The following RUVBL1 variants were observed in gnomAD, a reference collection of about 807,000 sequenced individuals.
RUVBL1 encodes the protein RuvB like AAA ATPase 1.
RUVBL1 carries 4 observed loss-of-function variants against 52.4 expected under a neutral mutation model. That is an observed-to-expected ratio of 0.08 (90% CI 0.04 to 0.17). The LOEUF is 0.17. Ranked by LOEUF, RUVBL1 falls within the 10% of genes least tolerant of loss-of-function variation. RUVBL1 has a pLI of 1.00. For synonymous variants in RUVBL1, 217 were observed against 214.4 expected (o/e 1.01, Z -0.10); for missense variants, 298 against 572.8 (o/e 0.52, Z 4.90).
At chr3:128,128,025 TAC>T (rs1943819748), upstream of RUVBL1, among the ~76,000 whole-genome samples, 1 of 151,920 alleles carries the variant, frequency 6.6e-6, no homozygotes. Context: ...CATACATACA[TAC>T]ATACATACAT....
intron 2 of RUVBL1, among the ~76,000 whole-genome samples, chr3:128,114,883 T>C (rs531669739): frequency 1.5e-4 from 23 of 152,182 alleles, no homozygotes; most frequent in Non-Finnish European, 1.5e-4. Flanking sequence ...CCAGCCCCAA[T>C]TCCCTACCCT....
upstream of RUVBL1, among the ~76,000 whole-genome samples, chr3:128,128,431 A>G (rs1015936390): frequency 2.6e-5 from 4 of 152,244 alleles, no homozygotes; most frequent in Non-Finnish European, 5.9e-5. Context: ...CTTTACAATC[A>G]GTAAGGGCCT....
intron 2 of RUVBL1, among the ~76,000 whole-genome samples, chr3:128,116,681 C>A (rs1464872679): frequency 6.6e-6 from 1 of 152,116 alleles, no homozygotes; most frequent in Non-Finnish European, 1.5e-5. Context: ...ATTTTCTTTT[C>A]ATTAAAACAA....
At chr3:128,150,786 A>G (rs1211670841) in intron 1 of RUVBL1, among the ~76,000 whole-genome samples, 4 of 82,902 alleles carry the variant, frequency 4.8e-5, no homozygotes, top group African/African-American at 1.8e-4. Context: ...TATTCTATAT[A>G]TATTCTATAT....
chr3:128,127,159 T>C (rs1943804968), upstream of RUVBL1, among the ~76,000 whole-genome samples: 1 of 152,338 alleles, frequency 6.6e-6, no homozygotes, highest in Middle Eastern at 3.4e-3. Flanking sequence ...AAAGGAAAGC[T>C]GACAGAAAGA....
chr3:128,126,811 C>T (rs952038080), upstream of RUVBL1, among the ~76,000 whole-genome samples: 1 of 152,242 alleles, frequency 6.6e-6, no homozygotes, highest in African/African-American at 2.4e-5. Context: ...CAGGGTTATT[C>T]CTGACCAGCG....
In RUVBL1 at chr3:128,067,065, CT is replaced by C; in HGVS notation, c.940-1846del. The stretch of plus-strand genomic sequence containing the variant: ...CATCCCCATCATCCTGCAGTCTGCC[CT>C]GGTGTCCAACCTTTATGTCATCTCC... On this transcript the variant is annotated intron_variant, in intron 9 of 9. Coordinates refer to the RUVBL1 transcript ENST00000464873. This position sits in a 1 kb window ranked among gnomAD's most constrained non-coding sequence, Gnocchi z 4.1. The C allele has an allele frequency of 6.2e-7, 1 of 1,614,218 alleles. No homozygotes were observed. The highest frequency in any genetic ancestry group is 8.5e-7 in the Non-Finnish European group (1 of 1,180,042).
intron 9 of RUVBL1, chr3:128,069,038 T>C (rs1006629338): frequency 9.0e-5 from 14 of 155,606 alleles, no homozygotes; most frequent in Non-Finnish European, 1.3e-4. Context: ...TACAGCACTG[T>C]GCAGTAGAAG....
chr3:128,101,233 A>C (rs1384138590), intron 5 of RUVBL1, among the ~76,000 whole-genome samples: 1 of 152,206 alleles, frequency 6.6e-6, no homozygotes, highest in Non-Finnish European at 1.5e-5. Context: ...AGATAAAAGG[A>C]AGATTAAATA....
intron 9 of RUVBL1, chr3:128,065,358 C>T (rs565583174): frequency 1.7e-6 from 1 of 579,772 alleles, no homozygotes; most frequent in East Asian, 2.8e-5. Context: ...GCTCTGAAAC[C>T]TCATTGCTCT....
intron 9 of RUVBL1, chr3:128,075,057 T>C (rs1942273581): frequency 1.3e-5 from 2 of 152,128 alleles, no homozygotes; most frequent in Admixed American, 1.3e-4. Flanking sequence ...GCAATCCTTT[T>C]TTTTTATTCC....
intron 4 of RUVBL1, among the ~76,000 whole-genome samples, chr3:128,104,451 C>T (rs1336527449): frequency 6.6e-6 from 1 of 152,170 alleles, no homozygotes; most frequent in Non-Finnish European, 1.5e-5. Flanking sequence ...CAGACCCAGC[C>T]CAGGGTATTT....
chr3:128,123,184 T>A (rs985516723), intron 1 of RUVBL1, among the ~76,000 whole-genome samples: 7 of 152,330 alleles, frequency 4.6e-5, no homozygotes, highest in East Asian at 1.9e-4. Flanking sequence ...CCCACCAAGA[T>A]AAGATAATTA....
chr3:128,093,859 T>G (rs1485972686), intron 8 of RUVBL1, among the ~76,000 whole-genome samples: 1 of 152,138 alleles, frequency 6.6e-6, no homozygotes, highest in African/African-American at 2.4e-5. Context: ...GGACAGGTGC[T>G]TCTTCTAGAA....
At chr3:128,109,804 T>C (rs968618936) in intron 3 of RUVBL1, among the ~76,000 whole-genome samples, 7 of 121,442 alleles carry the variant, frequency 5.8e-5, no homozygotes, top group Non-Finnish European at 8.4e-5. Context: ...CTGGCCTCTC[T>C]GTAAATTTTT....
intron 1 of RUVBL1, among the ~76,000 whole-genome samples, chr3:128,130,673 C>T (rs1302674922): frequency 3.4e-5 from 5 of 148,204 alleles, no homozygotes; most frequent in African/African-American, 1.2e-4. Context: ...ATTTTTGAGA[C>T]GGAGTCTTAC....
In RUVBL1 at chr3:128,104,833, G is replaced by C. The variant is rs762699691; in HGVS notation, c.453C>G (p.Gly151=). 1.5e-5 allele frequency: 24 copies of C among 1,613,652 alleles called. No homozygotes were observed. The highest frequency in any genetic ancestry group is 1.9e-5 in the Non-Finnish European group (22 of 1,179,614). ...CTATGATCACATGGCTAATGGTTTT[G>C]CCATATCCTCCCATGGGATTCTCTG... The part of the protein sequence containing the change: ...CETENPMGGY[G]KTISHVIIGL... Residue 151 remains glycine (G), a synonymous_variant, in exon 4 of 11, where the codon GGC becomes GGG. Transcript: ENST00000322623.
intron 3 of RUVBL1, among the ~76,000 whole-genome samples, chr3:128,105,928 G>A (rs116758921): frequency 0.017 from 2,363 of 140,118 alleles, 42 homozygotes; most frequent in African/African-American, 0.061. Flanking sequence ...GGAATGCAAT[G>A]GTGCGAACTT....
intron 7 of RUVBL1, 68 bp from the exon 8 acceptor site, chr3:128,097,566 C>T: frequency 2.1e-6 from 3 of 1,403,562 alleles, no homozygotes; most frequent in East Asian, 2.3e-5. Context: ...CTTTTCTCCT[C>T]CACCTGAATT....
Sources: allele counts gnomAD v4.1 joint callset (sites outside exome capture counted in the v4.1 genomes callset), GRCh38; gene constraint gnomAD v4.1.1; non-coding constraint Gnocchi (gnomAD v3.1); transcripts MANE v1.5; gene names NCBI Gene and HGNC (gene_info 2026-07-23, HGNC 2026-07-21).